Variants in HSF2BP observed in about 807,000 individuals in gnomAD.
The protein encoded by HSF2BP is heat shock transcription factor 2 binding protein.
HSF2BP carries 35 observed loss-of-function variants against 35.0 expected under a neutral mutation model. The ratio of observed to expected loss-of-function variants is 1.00; its 90% CI spans 0.76 to 1.32. The LOEUF (loss-of-function observed/expected upper bound fraction) is 1.32, where lower values mean the gene tolerates loss of function less well. Among genes scored for constraint, HSF2BP ranks in the 40% most tolerant of loss-of-function variants. The pLI, the probability that HSF2BP is intolerant of heterozygous loss-of-function variation, is 0.00. For missense variants in HSF2BP, 326 were observed against 321.7 expected (o/e 1.01, Z -0.10); for synonymous variants, 114 against 117.4 (o/e 0.97, Z 0.18).
At chr21:43,636,954 C>T (rs903687594) in intron 4 of HSF2BP, among the ~76,000 whole-genome samples, 6 of 150,108 alleles carry the variant, frequency 4.0e-5, no homozygotes, top group Non-Finnish European at 8.9e-5. Context: ...GCAGAAAAAC[C>T]TGTACACAAA....
chr21:43,606,941 C>CT (rs1047597510), intron 7 of HSF2BP, among the ~76,000 whole-genome samples: 1 of 152,164 alleles, frequency 6.6e-6, no homozygotes, highest in African/African-American at 2.4e-5. Context: ...AACACTTCCC[C>CT]TAAGAACTGG....
At chr21:43,574,355 T>C (rs952895333) in intron 8 of HSF2BP, among the ~76,000 whole-genome samples, 2 of 151,266 alleles carry the variant, frequency 1.3e-5, no homozygotes, top group African/African-American at 4.9e-5. Flanking sequence ...CAGCCCTTTT[T>C]CTTTTTCTCT....
At chr21:43,614,461 T>C (rs893579319) in intron 6 of HSF2BP, among the ~76,000 whole-genome samples, 5 of 151,960 alleles carry the variant, frequency 3.3e-5, no homozygotes, top group African/African-American at 9.7e-5. Flanking sequence ...TGCAGTGTGA[T>C]TAGCAAGCGC....
At chr21:43,609,535 G>C (rs1479415563) in intron 7 of HSF2BP, among the ~76,000 whole-genome samples, 1 of 152,138 alleles carries the variant, frequency 6.6e-6, no homozygotes, top group Non-Finnish European at 1.5e-5. Flanking sequence ...CTTCGATCAT[G>C]AAAGTGGCAG....
At chr21:43,618,891 G>T (rs2146946140) in intron 6 of HSF2BP, among the ~76,000 whole-genome samples, 1 of 151,848 alleles carries the variant, frequency 6.6e-6, no homozygotes, top group African/African-American at 2.4e-5. Context: ...CTTGCAGTGA[G>T]TGGAGATCGC....
chr21:43,626,793 G>C (rs1470062304), intron 6 of HSF2BP, among the ~76,000 whole-genome samples: 2 of 151,956 alleles, frequency 1.3e-5, no homozygotes, highest in African/African-American at 4.8e-5. Context: ...GCAATGTATT[G>C]AACCATTTCA....
At chr21:43,614,473 G>A (rs542321137) in intron 6 of HSF2BP, among the ~76,000 whole-genome samples, 3 of 152,192 alleles carry the variant, frequency 2.0e-5, no homozygotes, top group South Asian at 2.1e-4. Flanking sequence ...AGCAAGCGCC[G>A]AAAGAGTGAA....
At chr21:43,615,952 A>G (rs1287801596) in intron 6 of HSF2BP, among the ~76,000 whole-genome samples, 1 of 152,010 alleles carries the variant, frequency 6.6e-6, no homozygotes, top group Non-Finnish European at 1.5e-5. Context: ...CTGTAGACCC[A>G]TGATCAAGAT....
chr21:43,609,292 G>A (rs1465598825), intron 7 of HSF2BP, among the ~76,000 whole-genome samples: 3 of 152,142 alleles, frequency 2.0e-5, no homozygotes, highest in African/African-American at 7.2e-5. Context: ...GAGAGAGGGA[G>A]GGAGAGGAAC....
At chr21:43,657,725 G>C (rs1246082962) in intron 2 of HSF2BP, 1 of 570,868 alleles carries the variant, frequency 1.8e-6, no homozygotes, top group South Asian at 7.5e-5. Flanking sequence ...CCGAAGCAGG[G>C]GGCCAGGGCC....
At chr21:43,584,663 T>C (rs1410274420) in intron 8 of HSF2BP, among the ~76,000 whole-genome samples, 1 of 152,222 alleles carries the variant, frequency 6.6e-6, no homozygotes, top group African/African-American at 2.4e-5. Context: ...CAAACCTGCA[T>C]GAAAACCAGC....
chr21:43,592,202 G>A, intron 8 of HSF2BP, 23 bp downstream of exon 8: 1 of 1,501,466 alleles, frequency 6.7e-7, no homozygotes, highest in Non-Finnish European at 9.3e-7. Flanking sequence ...ACAAGCAGCT[G>A]GACAGATAAC....
At chr21:43,604,727 T>C (rs1180837207) in intron 7 of HSF2BP, among the ~76,000 whole-genome samples, 71 of 83,304 alleles carry the variant, frequency 8.5e-4, no homozygotes, top group African/African-American at 2.9e-3. Context: ...AGACACCACA[T>C]ACACCACACA....
In HSF2BP at chr21:43,653,718, A is replaced by G. The variant is rs770048648; in HGVS notation, c.187+2869T>C. Among the ~76,000 whole-genome samples, 73 of 152,292 alleles carry G rather than the reference A, an allele frequency of 4.8e-4. 1 individual carries two copies. The highest frequency in any genetic ancestry group is 2.1e-4 in the South Asian group (1 of 4,818). On this transcript the variant is annotated intron_variant, in intron 3 of 8. Coordinates refer to ENST00000291560, the MANE Select transcript of HSF2BP (RefSeq NM_007031.2). ...GGCATCATCAGATTGAACTGCCACA[A>G]ACTACTCAGGCTACAGTGTGTCTGA... is the stretch of plus-strand genomic sequence containing the variant.
chr21:43,653,335 G>A (rs987533979), intron 3 of HSF2BP, among the ~76,000 whole-genome samples: 1 of 152,116 alleles, frequency 6.6e-6, no homozygotes, highest in Non-Finnish European at 1.5e-5. Context: ...GCTCCCTCAA[G>A]ACCGAATAAT....
rs751544740 is a variant in HSF2BP at position 43,630,305 on chromosome 21, G to T, written c.574+17C>A. 1.2e-6 allele frequency: 2 copies of T among 1,601,920 alleles called. No individual in the cohort carries two copies. The highest frequency in any genetic ancestry group is 1.7e-6 in the Non-Finnish European group (2 of 1,174,632). On this transcript the variant is annotated intron_variant, in intron 6 of 8. Transcript: ENST00000291560. The stretch of plus-strand genomic sequence containing the variant: ...GGAAGCAAACAGGCAACATCTCTCA[G>T]GTGCGCCTGCACTTACTCGTGACAA...
At chr21:43,581,822 C>A (rs4990285) in intron 8 of HSF2BP, among the ~76,000 whole-genome samples, 10,391 of 133,442 alleles carry the variant, frequency 0.078, 790 homozygotes, top group African/African-American at 0.2. Context: ...GTCTGTGCTG[C>A]GGGAGATGAG....
rs372511019 is a variant in HSF2BP at position 43,578,200 on chromosome 21, G to A, written c.796+14025C>T. On this transcript the variant is annotated intron_variant, in intron 8 of 8. Transcript: ENST00000291560. The stretch of plus-strand genomic sequence containing the variant: ...GCCCTAAACCCATCACCGGCACACA[G>A]TAAGATGGCTAGGGCTGGCTCAGAC... 2.6e-5 allele frequency among the ~76,000 whole-genome samples: 4 copies of A among 152,264 alleles called. No individual in the cohort carries two copies. The East Asian group carries it at 7.7e-4, about 29-fold the overall frequency.
chr21:43,585,322 A>C (rs1477927399), intron 8 of HSF2BP, among the ~76,000 whole-genome samples: 1 of 152,186 alleles, frequency 6.6e-6, no homozygotes, highest in Non-Finnish European at 1.5e-5. Flanking sequence ...ATAAGTAAGT[A>C]AAATGTTTTT....
Sources: allele counts gnomAD v4.1 joint callset (sites outside exome capture counted in the v4.1 genomes callset), GRCh38; gene constraint gnomAD v4.1.1; transcripts MANE v1.5; gene names NCBI Gene and HGNC (gene_info 2026-07-23, HGNC 2026-07-21).